The following CRPPA variants were observed in gnomAD, a reference collection of about 807,000 sequenced individuals.
CRPPA encodes the protein CDP-L-ribitol pyrophosphorylase A.
Under a neutral mutation model 52.0 loss-of-function variants are expected in CRPPA, and 43 were observed. The observed-to-expected ratio is 0.83, with a 90% CI of 0.65 to 1.07. The LOEUF (loss-of-function observed/expected upper bound fraction) is 1.07. Ranked by LOEUF, CRPPA falls within the 50% of genes least tolerant of loss-of-function variation. The pLI, the probability that CRPPA is intolerant of heterozygous loss-of-function variation, is 0.00. For synonymous variants in CRPPA, 250 were observed against 203.5 expected, an observed-to-expected ratio of 1.23 and a Z score of -1.94; for missense variants, 629 against 551.7, an observed-to-expected ratio of 1.14 and a Z score of -1.40.
intron 3 of CRPPA, among the ~76,000 whole-genome samples, chr7:16,334,965 A>G (rs1173573866): frequency 1.3e-5 from 2 of 152,080 alleles, no homozygotes; most frequent in African/African-American, 2.4e-5. Flanking sequence ...AGCTCCAGTA[A>G]TAGAACCCAA....
intron 8 of CRPPA, among the ~76,000 whole-genome samples, chr7:16,249,147 C>G (rs56926429): frequency 0.022 from 3,318 of 152,214 alleles, 141 homozygotes; most frequent in East Asian, 0.2. Flanking sequence ...CTCAGTGAGG[C>G]TGACCGCCTC....
intron 9 of CRPPA, among the ~76,000 whole-genome samples, chr7:16,210,808 C>G (rs918344997): frequency 1.3e-5 from 2 of 151,734 alleles, no homozygotes; most frequent in African/African-American, 4.8e-5. Flanking sequence ...GGATGCTTCT[C>G]TTCATTTACA....
At chr7:16,144,929 T>C (rs75844841) in intron 9 of CRPPA, among the ~76,000 whole-genome samples, 5,773 of 152,236 alleles carry the variant, frequency 0.038, 347 homozygotes, top group East Asian at 0.3. Flanking sequence ...TCGGCAGTGA[T>C]ACCTATAGGC....
intron 8 of CRPPA, among the ~76,000 whole-genome samples, chr7:16,252,302 C>T (rs1469649681): frequency 6.6e-6 from 1 of 152,122 alleles, no homozygotes; most frequent in Non-Finnish European, 1.5e-5. Flanking sequence ...CAACAAAAAT[C>T]ACATGATTGT....
chr7:16,174,644 A>ATT (rs77293398), intron 9 of CRPPA, among the ~76,000 whole-genome samples: 5 of 149,768 alleles, frequency 3.3e-5, no homozygotes, highest in African/African-American at 1.2e-4. Flanking sequence ...CCCAGTTCTA[A>ATT]TTTTTTTTTT....
chr7:16,237,857 C>T (rs1782992488), intron 8 of CRPPA, among the ~76,000 whole-genome samples: 2 of 152,208 alleles, frequency 1.3e-5, no homozygotes, highest in African/African-American at 4.8e-5. Flanking sequence ...CTATGTGCTT[C>T]TTTGTCCATA....
chr7:16,196,789 T>C (rs530206891), intron 9 of CRPPA, among the ~76,000 whole-genome samples: 215 of 152,248 alleles, frequency 1.4e-3, no homozygotes, highest in Non-Finnish European at 2.4e-3. Context: ...AAAGCAATAA[T>C]CACTCTCAGT....
rs529842390 is a variant in CRPPA, at chr7:16,309,999, T to C, written c.685-1372A>G. On this transcript the variant is annotated intron_variant, in intron 3 of 9. Transcript: ENST00000407010. Reference sequence around the variant, plus strand: ...GGTGATAAAATGAAATCATAAAACATAGTATATTAATCCAAAGGCCAACAG... The same window carrying C: ...GGTGATAAAATGAAATCATAAAACACAGTATATTAATCCAAAGGCCAACAG... Among the ~76,000 whole-genome samples the C allele has an allele frequency of 2.0e-5, 3 of 152,180 alleles. No individual in the cohort carries two copies. The East Asian group carries it at 5.8e-4, about 29-fold the overall frequency.
intron 2 of CRPPA, among the ~76,000 whole-genome samples, chr7:16,399,879 CAT>C (rs1391156698): frequency 2.6e-5 from 4 of 152,064 alleles, no homozygotes; most frequent in South Asian, 2.1e-4. Flanking sequence ...TAACACGTGA[CAT>C]TGACTCATGA....
chr7:16,344,403 C>A (rs62441919), intron 3 of CRPPA, among the ~76,000 whole-genome samples: 2 of 63,986 alleles, frequency 3.1e-5, no homozygotes, highest in Non-Finnish European at 3.5e-5. Flanking sequence ...CCTATCTCTA[C>A]CCAAAAAAAA....
intron 8 of CRPPA, among the ~76,000 whole-genome samples, chr7:16,222,581 G>A (rs1028656685): frequency 6.6e-6 from 1 of 152,050 alleles, no homozygotes; most frequent in East Asian, 1.9e-4. Flanking sequence ...TAGAAATACA[G>A]TATTACATCT....
chr7:16,131,140 G>A (rs1259829341), intron 9 of CRPPA, among the ~76,000 whole-genome samples: 1 of 152,138 alleles, frequency 6.6e-6, no homozygotes, highest in East Asian at 1.9e-4. Flanking sequence ...AAGAAAATTG[G>A]CATCACAAAG....
At chr7:16,309,307 C>A (rs1303947801) in intron 3 of CRPPA, among the ~76,000 whole-genome samples, 1 of 151,872 alleles carries the variant, frequency 6.6e-6, no homozygotes, top group Non-Finnish European at 1.5e-5. Flanking sequence ...ATTTTAAGTA[C>A]CAGATATATA....
chr7:16,116,259 T>C (rs940360250), intron 9 of CRPPA, among the ~76,000 whole-genome samples: 3 of 152,188 alleles, frequency 2.0e-5, no homozygotes, highest in Non-Finnish European at 4.4e-5. Flanking sequence ...AATTCAGTGG[T>C]ATTCTTGCCT....
chr7:16,378,909 CT>C (rs1486108563), intron 2 of CRPPA, among the ~76,000 whole-genome samples: 3 of 152,148 alleles, frequency 2.0e-5, no homozygotes, highest in Non-Finnish European at 4.4e-5. Flanking sequence ...TAAACGTCTT[CT>C]TTTGAGAAGT....
Position 16,280,789 on chromosome 7 carries a change from G to A in CRPPA, c.836-2563C>T, listed in dbSNP as rs530670209. Among the ~76,000 whole-genome samples the A allele has an allele frequency of 3.3e-5, 5 of 152,260 alleles. No homozygotes were observed. The East Asian group carries it at 9.7e-4, about 29-fold the overall frequency. On this transcript the variant is annotated intron_variant, in intron 5 of 9. Coordinates refer to ENST00000407010, the MANE Select transcript of CRPPA (RefSeq NM_001101426.4). ...TAATCCCAGCACTTTGGGAGGCCAA[G>A]GTGGAAGATCACTTGAGGTCAGGAG... is the stretch of plus-strand genomic sequence containing the variant.
At chr7:16,281,204 T>C (rs1353197294) in intron 5 of CRPPA, among the ~76,000 whole-genome samples, 1 of 152,212 alleles carries the variant, frequency 6.6e-6, no homozygotes, top group African/African-American at 2.4e-5. Flanking sequence ...CAAATGAACA[T>C]GATTTGTCCC....
intron 2 of CRPPA, among the ~76,000 whole-genome samples, chr7:16,400,514 G>T (rs778112764): frequency 4.6e-5 from 7 of 152,150 alleles, no homozygotes; most frequent in Non-Finnish European, 8.8e-5. Context: ...CGAACGACAC[G>T]ACTGGCACAT....
intron 6 of CRPPA, among the ~76,000 whole-genome samples, chr7:16,264,141 G>T (rs1359349983): frequency 6.6e-6 from 1 of 151,902 alleles, no homozygotes; most frequent in Non-Finnish European, 1.5e-5. Flanking sequence ...TATAGCAAAG[G>T]TATCTGTGAC....
Sources: allele counts gnomAD v4.1 joint callset (sites outside exome capture counted in the v4.1 genomes callset), GRCh38; gene constraint gnomAD v4.1.1; transcripts MANE v1.5; gene names NCBI Gene and HGNC (gene_info 2026-07-23, HGNC 2026-07-21).